KIF3A: variants seen among roughly 807,000 people sequenced by gnomAD.
KIF3A encodes the protein kinesin-like protein KIF3A.
A neutral mutation model predicts 92.6 loss-of-function variants in KIF3A; 27 were observed. The ratio of observed to expected loss-of-function variants is 0.29; its 90% CI spans 0.21 to 0.40. KIF3A has a LOEUF of 0.40. Among genes scored for constraint, KIF3A ranks in the 10% least tolerant of loss-of-function variants. KIF3A has a pLI of 1.00. For synonymous variants in KIF3A, 250 were observed against 275.4 expected, an observed-to-expected ratio of 0.91 and a Z score of 0.92; for missense variants, 581 against 872.6, an observed-to-expected ratio of 0.67 and a Z score of 4.21.
intron 4 of KIF3A, among the ~76,000 whole-genome samples, chr5:132,724,830 T>A (rs868304730): frequency 8.1e-4 from 31 of 38,132 alleles, no homozygotes; most frequent in Middle Eastern, 0.015. Flanking sequence ...TATATATATA[T>A]ATATATATAT....
chr5:132,700,621 C>G, intron 16 of KIF3A, 26 bp downstream of exon 16: 1 of 1,469,856 alleles, frequency 6.8e-7, no homozygotes, highest in East Asian at 2.3e-5. Flanking sequence ...TTAATTATTA[C>G]GTGAAAGAAT....
Position 132,702,467 on chromosome 5 carries a change from C to T in KIF3A, c.1758+91G>A, listed in dbSNP as rs555793970. On this transcript the variant is annotated intron_variant, in intron 14 of 18. Transcript: ENST00000403231. ...TTTTATTTCTTTTAAATTATAAGCT[C>T]ACATTATGATTATTTATAAATTCTT... is the stretch of plus-strand genomic sequence containing the variant. 7 of 757,196 alleles carry T rather than the reference C, an allele frequency of 9.2e-6. No individual in the cohort carries two copies. The Admixed American group carries it at 1.0e-4, about 11-fold the overall frequency. The allele number at this position is 757,196 out of a possible 1,614,324, so 46.9% of individuals were successfully genotyped here.
Position 132,706,441 on chromosome 5 carries a change from T to C in KIF3A, c.1309+10A>G. On this transcript the variant is annotated intron_variant, in intron 11 of 18. Coordinates refer to ENST00000403231, the MANE Select transcript of KIF3A (RefSeq NM_001300791.2). Reference sequence around the variant, plus strand: ...TTGTACCATGTGGAGTGCAAATCAATCACACCAACCTGCTTGATCTTGCAA... The same window carrying C: ...TTGTACCATGTGGAGTGCAAATCAACCACACCAACCTGCTTGATCTTGCAA... 6.5e-7 allele frequency: 1 copy of C among 1,538,534 alleles called. No homozygotes were observed. Among genetic ancestry groups the C allele is most frequent in the Non-Finnish European group, 8.8e-7 (1 of 1,141,250 alleles).
At chr5:132,701,742 T>C (rs7736951) in intron 15 of KIF3A, among the ~76,000 whole-genome samples, 4,545 of 151,530 alleles carry the variant, frequency 0.03, 223 homozygotes, top group African/African-American at 0.1. Flanking sequence ...TTTTACCATA[T>C]ACACACACAC....
At chr5:132,717,716 A>AT (rs1304634026) in intron 5 of KIF3A, among the ~76,000 whole-genome samples, 8 of 151,916 alleles carry the variant, frequency 5.3e-5, no homozygotes, top group South Asian at 2.1e-4. Flanking sequence ...AACAAAAAAC[A>AT]TTTTTTTACA....
In KIF3A at chr5:132,716,418, C is replaced by G; in HGVS notation, c.781G>C (p.Gly261Arg). The G allele has an allele frequency of 6.2e-7, 1 of 1,613,822 alleles. No individual in the cohort carries two copies. The highest frequency in any genetic ancestry group is 8.5e-7 in the Non-Finnish European group (1 of 1,179,860). ...LAGSERQAKT[G>R]ATGQRLKEAT... ...TCCTTTAGGCGCTGTCCAGTAGCTC[C>G]AGTTTTTGCCTGTCTTTCTGAACCC... is the stretch of plus-strand genomic sequence containing the variant. Residue 261 changes from glycine to arginine, a missense_variant, in exon 7 of 19, where the codon GGA (glycine) becomes CGA (arginine). By Grantham distance (125) the Gly-to-Arg change is moderately radical. This residue lies in a region of KIF3A where 40 missense variants were observed against 107.0 expected (regional missense o/e 0.37). Transcript: ENST00000403231.
At position 132,737,460 on chromosome 5, in the gene KIF3A, G is replaced by C; in HGVS notation, c.-41C>G. The C allele has an allele frequency of 6.3e-7, 1 of 1,599,330 alleles. No homozygotes were observed. Among genetic ancestry groups the C allele is most frequent in the Non-Finnish European group, 8.5e-7 (1 of 1,173,740 alleles). On this transcript the variant is annotated 5_prime_UTR_variant, in exon 1 of 19. Transcript: ENST00000403231. The stretch of plus-strand genomic sequence containing the variant: ...TGCCCGGCGGACGTCCCCGCCCGGG[G>C]TGCAGCCCAGCGACACCGGGTGCGC...
At position 132,716,882 on chromosome 5, in the gene KIF3A, T is replaced by G. The variant is rs892605809; in HGVS notation, c.719A>C (p.His240Pro). 6.2e-7 allele frequency: 1 copy of G among 1,614,090 alleles called. No individual in the cohort carries two copies. The change falls in exon 6 of 19, where the codon CAT becomes CCT. Residue 240 changes from histidine to proline, a missense_variant. By Grantham distance (77) the His-to-Pro change is moderately conservative (BLOSUM62 -2). This residue lies in a region of KIF3A where 217 missense variants were observed against 299.7 expected (regional missense o/e 0.72). Coordinates refer to ENST00000403231, the MANE Select transcript of KIF3A (RefSeq NM_001300791.2). ...AAGATGGAGCTTCCCCATCCTGACA[T>G]GCATGTTACCATCAATGCCTTTTTC... ...CSEKGIDGNM[H>P]VRMGKLHLVD...
At chr5:132,703,173 A>G in intron 12 of KIF3A, 108 bp from the exon 13 acceptor site, 1 of 964,870 alleles carries the variant, frequency 1.0e-6, no homozygotes, top group Non-Finnish European at 1.5e-6. Context: ...ATAGAAATAT[A>G]ATTATGTAAC....
intron 8 of KIF3A, among the ~76,000 whole-genome samples, chr5:132,714,097 G>A (rs10477742): frequency 0.59 from 89,318 of 151,568 alleles, 28,464 homozygotes; most frequent in Non-Finnish European, 0.73. Flanking sequence ...GGGTTTCACC[G>A]TGTTGGCCAG....
At chr5:132,701,211 A>G (rs901474762) in intron 15 of KIF3A, among the ~76,000 whole-genome samples, 7 of 152,160 alleles carry the variant, frequency 4.6e-5, no homozygotes, top group African/African-American at 1.7e-4. Flanking sequence ...GATTTTTAAA[A>G]AATTGGCCAG....
At chr5:132,734,502 T>C (rs374008275) in intron 1 of KIF3A, 24 bp from the exon 2 acceptor site, 13 of 1,568,424 alleles carry the variant, frequency 8.3e-6, no homozygotes, top group African/African-American at 4.1e-5. Flanking sequence ...TATTTACAAA[T>C]AATGAAAAGA....
chr5:132,696,348 A>G lies in KIF3A; in HGVS notation c.*286T>C, dbSNP rs1446659158. On this transcript the variant is annotated 3_prime_UTR_variant, in exon 19 of 19. Transcript: ENST00000403231. Reference sequence around the variant, plus strand: ...AGCTAATCGATTTACACATACATCTAAACTGTAACTCTCTATAGTATGAAC... The same window carrying G: ...AGCTAATCGATTTACACATACATCTGAACTGTAACTCTCTATAGTATGAAC... 4.0e-6 allele frequency: 1 copy of G among 250,220 alleles called. No homozygotes were observed. Among genetic ancestry groups the G allele is most frequent in the Non-Finnish European group, 7.6e-6 (1 of 131,848 alleles). 15.5% of individuals were successfully genotyped at this position (250,220 alleles called of 1,614,324 possible).
At chr5:132,713,174 C>CAACAAT (rs1162352080) in intron 8 of KIF3A, among the ~76,000 whole-genome samples, 1 of 151,698 alleles carries the variant, frequency 6.6e-6, no homozygotes, top group African/African-American at 2.4e-5. Flanking sequence ...AAACAAACAA[C>CAACAAT]AACAACAACA....
chr5:132,698,396 A>G (rs1346396868), intron 18 of KIF3A, among the ~76,000 whole-genome samples: 1 of 152,310 alleles, frequency 6.6e-6, no homozygotes, highest in African/African-American at 2.4e-5. Flanking sequence ...ATACACGCAG[A>G]CTACCCAACA....
chr5:132,713,826 T>C (rs1435822259), intron 8 of KIF3A, among the ~76,000 whole-genome samples: 2 of 151,982 alleles, frequency 1.3e-5, no homozygotes, highest in African/African-American at 4.8e-5. Flanking sequence ...CGGATGACCC[T>C]TGAAGGCATT....
intron 15 of KIF3A, among the ~76,000 whole-genome samples, chr5:132,701,513 A>AAG (rs1408877189): frequency 2.6e-5 from 4 of 151,764 alleles, no homozygotes; most frequent in African/African-American, 9.7e-5. Flanking sequence ...AAAAAAAAAA[A>AAG]AAAAAAAAAT....
intron 4 of KIF3A, among the ~76,000 whole-genome samples, chr5:132,724,777 G>A (rs537755310): frequency 1.8e-5 from 2 of 111,194 alleles, no homozygotes; most frequent in African/African-American, 3.8e-5. Flanking sequence ...ATGTACCCTA[G>A]AACTTAAAGT....
chr5:132,727,511 A>G (rs1754074737), intron 2 of KIF3A, among the ~76,000 whole-genome samples: 1 of 152,220 alleles, frequency 6.6e-6, no homozygotes, highest in Admixed American at 6.5e-5. Context: ...AAGAGCCAAG[A>G]AAAAGAATGG....
Sources: gnomAD v4.1 joint callset for allele counts (sites outside exome capture counted in the v4.1 genomes callset) on GRCh38, gnomAD v4.1.1 for gene constraint, gnomAD v4.1.1 regional missense constraint, MANE v1.5 for transcripts, NCBI Gene and HGNC (gene_info 2026-07-23, HGNC 2026-07-21) for gene names.